Variants in RNF225 observed in about 807,000 individuals in gnomAD.
RNF225 encodes ring finger protein 225.
For missense variants in RNF225, 510 were observed against 509.8 expected, an observed-to-expected ratio of 1.00 and a Z score of 0.00; for synonymous variants, 295 against 260.4, an observed-to-expected ratio of 1.13 and a Z score of -1.28.
rs1418194711 is a variant in RNF225, at chr19:58,396,994, G to A, written c.905G>A (p.Arg302Gln). The change falls in exon 1 of 1, where the codon CGA becomes CAA. Residue 302 changes from arginine to glutamine, a missense_variant. Transcript: ENST00000601382. ...GAGGCCGAGAGGACGCTGGACAGGC[G>A]ATCGGATGGCACGTGGGGCACAGAG... is the stretch of plus-strand genomic sequence containing the variant. ...PAEAERTLDR[R>Q]SDGTWGTEAG... The A allele has an allele frequency of 3.9e-6, 6 of 1,534,152 alleles. No individual in the cohort carries two copies. The African/African-American group carries it at 4.1e-5, about 11-fold the overall frequency.
rs1478656472 is a variant in RNF225 at position 58,396,272 on chromosome 19, G to T, written c.183G>T (p.Pro61=). The T allele has an allele frequency of 2.6e-6, 4 of 1,536,180 alleles. No homozygotes were observed. Among genetic ancestry groups the T allele is most frequent in the Non-Finnish European group, 3.5e-6 (4 of 1,147,060 alleles). ...GSGPILPPAS[P]VECLICVSSF... is the part of the protein sequence containing the mutation. ...GCCCTATCCTGCCCCCCGCCTCCCC[G>T]GTGGAGTGCCTCATCTGCGTGTCGT... The change falls in exon 1 of 1, where the codon CCG becomes CCT. Residue 61 remains proline, a synonymous_variant. Coordinates refer to ENST00000601382, the MANE Select transcript of RNF225 (RefSeq NM_001195135.2).
rs2052394955 is a variant in RNF225, at chr19:58,395,974, T to A, written c.-116T>A. On this transcript the variant is annotated 5_prime_UTR_variant, in exon 1 of 1. Coordinates refer to ENST00000601382, the MANE Select transcript of RNF225 (RefSeq NM_001195135.2). ...GGATGGGGTGCTCTGTACTGGGGGA[T>A]CCTCTCTAAAGTACAGTCCCCAGTC... is the stretch of plus-strand genomic sequence containing the variant. The A allele has an allele frequency of 1.9e-6, 2 of 1,059,864 alleles. No individual in the cohort carries two copies. Among genetic ancestry groups the A allele is most frequent in the Middle Eastern group, 3.1e-4 (1 of 3,180 alleles). 65.7% of individuals were successfully genotyped at this position (1,059,864 alleles called of 1,614,324 possible). A position where few individuals can be genotyped will look rare whatever the true frequency, so the allele number is the denominator to read the frequency against.
rs1199308807 is a variant in RNF225, at chr19:58,396,077, C to A, written c.-13C>A. The A allele has an allele frequency of 2.0e-6, 3 of 1,504,458 alleles. No homozygotes were observed. The highest frequency in any genetic ancestry group is 2.8e-5 in the African/African-American group (2 of 71,862). The allele number at this position is 1,504,458 out of a possible 1,614,324, so 93.2% of individuals were successfully genotyped here. A position where few individuals can be genotyped will look rare whatever the true frequency, so the allele number is the denominator to read the frequency against. On this transcript the variant is annotated 5_prime_UTR_variant, in exon 1 of 1. Coordinates refer to ENST00000601382, the MANE Select transcript of RNF225 (RefSeq NM_001195135.2). ...TTCCCTGCCTGACCTCCTCTCCTCC[C>A]AGGTCCATCCGGATGCCCTGCCCTC... is the stretch of plus-strand genomic sequence containing the variant.
rs2052394926 is a variant in RNF225 at position 58,395,972 on chromosome 19, G to T, written c.-118G>T. ...CGGGATGGGGTGCTCTGTACTGGGG[G>T]ATCCTCTCTAAAGTACAGTCCCCAG... On this transcript the variant is annotated 5_prime_UTR_variant, in exon 1 of 1. Transcript: ENST00000601382. 9.6e-7 allele frequency: 1 copy of T among 1,045,732 alleles called. No individual in the cohort carries two copies. Among genetic ancestry groups the T allele is most frequent in the Non-Finnish European group, 1.3e-6 (1 of 746,352 alleles). 64.8% of individuals were successfully genotyped at this position (1,045,732 alleles called of 1,614,324 possible).
chr19:58,396,441 G>A lies in RNF225; in HGVS notation c.352G>A (p.Ala118Thr), dbSNP rs956656187. 9 of 1,425,778 alleles carry A rather than the reference G, an allele frequency of 6.3e-6. No homozygotes were observed. Among genetic ancestry groups the A allele is most frequent in the Middle Eastern group, 4.6e-4 (2 of 4,380 alleles). 88.3% of individuals were successfully genotyped at this position (1,425,778 alleles called of 1,614,324 possible). A position where few individuals can be genotyped will look rare whatever the true frequency, so the allele number is the denominator to read the frequency against. ...GGTGTGCCGCGCGCCCACGCGCCTG[G>A]CCCCCCGCCGCGGACTCCCCGCGTT... ...CPVCRAPTRL[A>T]PRRGLPALPT... The change falls in exon 1 of 1, where the codon GCC becomes ACC. Residue 118 changes from alanine to threonine, a missense_variant. Transcript: ENST00000601382.
At position 58,395,737 on chromosome 19, in the gene RNF225, A is replaced by G. The variant is rs1599936365; in HGVS notation, c.-353A>G. Among the ~76,000 whole-genome samples, 1 of 148,390 alleles carries G rather than the reference A, an allele frequency of 6.7e-6. No homozygotes were observed. Among genetic ancestry groups the G allele is most frequent in the South Asian group, 2.1e-4 (1 of 4,826 alleles). ...GCCCACAGGCTGGCTGCGGTCTGTC[A>G]TTACTCTGTGGGGGGTGCCTATCTC... On this transcript the variant is annotated 5_prime_UTR_variant, in exon 1 of 1. Coordinates refer to ENST00000601382, the MANE Select transcript of RNF225 (RefSeq NM_001195135.2).
rs1343303997 is a variant in RNF225 at position 58,396,117 on chromosome 19, C to T, written c.28C>T (p.Arg10Cys). Residue 10 changes from arginine to cysteine, a missense_variant, in exon 1 of 1, where the codon CGC becomes TGC. By Grantham distance (180) the Arg-to-Cys change is radical. Transcript: ENST00000601382. ...GCCCTGCCCTCGGCCGTTCTGGCTC[C>T]GCCATTCCCGGGCCCCCCAGGGCTC... is the stretch of plus-strand genomic sequence containing the variant. The part of the protein sequence containing the change: MPCPRPFWL[R>C]HSRAPQGSGP... The T allele has an allele frequency of 9.8e-6, 15 of 1,532,214 alleles. No individual in the cohort carries two copies. The Admixed American group carries it at 2.2e-4, about 22-fold the overall frequency. The allele number at this position is 1,532,214 out of a possible 1,614,324, so 94.9% of individuals were successfully genotyped here.
In RNF225 at chr19:58,396,080, G is replaced by T; in HGVS notation, c.-10G>T. ...CCTGCCTGACCTCCTCTCCTCCCAG[G>T]TCCATCCGGATGCCCTGCCCTCGGC... On this transcript the variant is annotated 5_prime_UTR_variant, in exon 1 of 1. Coordinates refer to ENST00000601382, the MANE Select transcript of RNF225 (RefSeq NM_001195135.2). 2 of 1,509,460 alleles carry T rather than the reference G, an allele frequency of 1.3e-6. No homozygotes were observed. The highest frequency in any genetic ancestry group is 1.8e-6 in the Non-Finnish European group (2 of 1,136,068). The allele number at this position is 1,509,460 out of a possible 1,614,324, so 93.5% of individuals were successfully genotyped here.
rs1226144620 is a variant in RNF225, at chr19:58,396,671, G to A, written c.582G>A (p.Pro194=). Residue 194 remains proline (P), a synonymous_variant, in exon 1 of 1, where the codon CCG becomes CCA. Coordinates refer to ENST00000601382, the MANE Select transcript of RNF225 (RefSeq NM_001195135.2). The stretch of plus-strand genomic sequence containing the variant: ...CGCGCCGCTTGTCGCTGGCCAGCCC[G>A]GCCTGGGTCTTCAACGCTGCCGTGG... ...PLSRRLSLAS[P]AWVFNAAVAL... 1.4e-6 allele frequency: 2 copies of A among 1,477,338 alleles called. No individual in the cohort carries two copies. The highest frequency in any genetic ancestry group is 2.9e-5 in the East Asian group (1 of 33,950). The allele number at this position is 1,477,338 out of a possible 1,614,324, so 91.5% of individuals were successfully genotyped here.
rs1054283692 is a variant in RNF225 at position 58,396,935 on chromosome 19, G to T, written c.846G>T (p.Ala282=). 5 of 1,534,022 alleles carry T rather than the reference G, an allele frequency of 3.3e-6. No homozygotes were observed. Among genetic ancestry groups the T allele is most frequent in the African/African-American group, 1.4e-5 (1 of 72,940 alleles). ...CCCTGCCAGGAACTGCAGAAGATGC[G>T]CTGGAGCCCGAGGCGGGCCCCGAGG... ...DTALPGTAED[A]LEPEAGPEDP... Residue 282 remains alanine (A), a synonymous_variant, in exon 1 of 1, where the codon GCG becomes GCT. Coordinates refer to ENST00000601382, the MANE Select transcript of RNF225 (RefSeq NM_001195135.2).
rs750512932 is a variant in RNF225, at chr19:58,396,192, G to T, written c.103G>T (p.Gly35Trp). ...SLSAPRSPSR[G>W]EDQEEEEEEE... ...CTCTGCGCCCCGCTCCCCAAGCAGAGGGGAAGACCAGGAGGAGGAGGAGGA... is the reference window on the plus strand; with the variant it reads ...CTCTGCGCCCCGCTCCCCAAGCAGATGGGAAGACCAGGAGGAGGAGGAGGA... Residue 35 changes from glycine (G) to tryptophan (W), a missense_variant, in exon 1 of 1, where the codon GGG (glycine) becomes TGG (tryptophan). By Grantham distance (184) the Gly-to-Trp change is radical. Coordinates refer to ENST00000601382, the MANE Select transcript of RNF225 (RefSeq NM_001195135.2). 1.3e-6 allele frequency: 2 copies of T among 1,543,054 alleles called. 1 individual carries two copies. Among genetic ancestry groups the T allele is most frequent in the South Asian group, 2.4e-5 (2 of 84,600 alleles).
At position 58,396,173 on chromosome 19, in the gene RNF225, G is replaced by T; in HGVS notation, c.84G>T (p.Ala28=). 1.3e-6 allele frequency: 2 copies of T among 1,537,172 alleles called. No homozygotes were observed. Among genetic ancestry groups the T allele is most frequent in the Non-Finnish European group, 1.7e-6 (2 of 1,148,146 alleles). The change falls in exon 1 of 1, where the codon GCG becomes GCT. Residue 28 remains alanine (A), a synonymous_variant. Transcript: ENST00000601382. The part of the protein sequence containing the change: ...SGPSSPGSLS[A]PRSPSRGEDQ... Reference sequence around the variant, plus strand: ...CCAGCTCCCCAGGCTCGCTCTCTGCGCCCCGCTCCCCAAGCAGAGGGGAAG... The same window carrying T: ...CCAGCTCCCCAGGCTCGCTCTCTGCTCCCCGCTCCCCAAGCAGAGGGGAAG...
rs1428134878 is a variant in RNF225, at chr19:58,396,717, G to A, written c.628G>A (p.Ala210Thr). 3.3e-6 allele frequency: 5 copies of A among 1,501,146 alleles called. No individual in the cohort carries two copies. Among genetic ancestry groups the A allele is most frequent in the South Asian group, 1.2e-5 (1 of 80,908 alleles). The allele number at this position is 1,501,146 out of a possible 1,614,324, so 93.0% of individuals were successfully genotyped here. Residue 210 changes from alanine to threonine, a missense_variant, in exon 1 of 1, where the codon GCG (alanine) becomes ACG (threonine). Transcript: ENST00000601382. Reference sequence around the variant, plus strand: ...CGTGGCGCTGGCGGTGCTGGTGGCCGCGGGCCTCGTGGTCTCGGGCGTCTA... The same window carrying A: ...CGTGGCGCTGGCGGTGCTGGTGGCCACGGGCCTCGTGGTCTCGGGCGTCTA... ...AAVALAVLVA[A>T]GLVVSGVYIF...
rs1350358820 is a variant in RNF225, at chr19:58,396,614, C to T, written c.525C>T (p.Pro175=). 8.1e-7 allele frequency: 1 copy of T among 1,227,582 alleles called. No individual in the cohort carries two copies. The highest frequency in any genetic ancestry group is 1.0e-6 in the Non-Finnish European group (1 of 985,324). The allele number at this position is 1,227,582 out of a possible 1,614,324, so 76.0% of individuals were successfully genotyped here. ...PGPRKARAPP[P]PPPLRLGRPL... is the part of the protein sequence containing the mutation. ...CGCGCAAGGCCCGCGCCCCGCCGCC[C>T]CCGCCGCCTCTGCGCCTGGGCCGCC... Residue 175 remains proline, a synonymous_variant, in exon 1 of 1, where the codon CCC becomes CCT. Transcript: ENST00000601382.
In RNF225 at chr19:58,395,965, A is replaced by G. The variant is rs1447915136; in HGVS notation, c.-125A>G. ...CCCTTCTCGGGATGGGGTGCTCTGT[A>G]CTGGGGGATCCTCTCTAAAGTACAG... On this transcript the variant is annotated 5_prime_UTR_variant, in exon 1 of 1. Transcript: ENST00000601382. 7.0e-6 allele frequency: 7 copies of G among 1,000,122 alleles called. No individual in the cohort carries two copies. The East Asian group carries it at 1.1e-4, about 15-fold the overall frequency. The allele number at this position is 1,000,122 out of a possible 1,614,324, so 62.0% of individuals were successfully genotyped here.
In RNF225 at chr19:58,396,858, C is replaced by A; in HGVS notation, c.769C>A (p.Pro257Thr). 6.6e-7 allele frequency: 1 copy of A among 1,523,074 alleles called. No individual in the cohort carries two copies. The highest frequency in any genetic ancestry group is 8.8e-7 in the Non-Finnish European group (1 of 1,142,200). 94.3% of individuals were successfully genotyped at this position (1,523,074 alleles called of 1,614,324 possible). ...WFPPRPPPGSPWAPAWTPRPT... is the reference protein window; with the variant it reads ...WFPPRPPPGSTWAPAWTPRPT... The stretch of plus-strand genomic sequence containing the variant: ...TCCGCCGAGGCCCCCGCCGGGGTCG[C>A]CCTGGGCCCCCGCCTGGACGCCGCG... The change falls in exon 1 of 1, where the codon CCC becomes ACC. Residue 257 changes from proline to threonine, a missense_variant. Coordinates refer to ENST00000601382, the MANE Select transcript of RNF225 (RefSeq NM_001195135.2).
rs531439183 is a variant in RNF225 at position 58,396,143 on chromosome 19, G to C, written c.54G>C (p.Ser18=). ...GCCATTCCCGGGCCCCCCAGGGCTCGGGTCCCAGCTCCCCAGGCTCGCTCT... is the reference window on the plus strand; with the variant it reads ...GCCATTCCCGGGCCCCCCAGGGCTCCGGTCCCAGCTCCCCAGGCTCGCTCT... ...WLRHSRAPQG[S]GPSSPGSLSA... is the part of the protein sequence containing the mutation. Residue 18 remains serine (S), a synonymous_variant, in exon 1 of 1, where the codon TCG becomes TCC. Coordinates refer to ENST00000601382, the MANE Select transcript of RNF225 (RefSeq NM_001195135.2). 6.5e-7 allele frequency: 1 copy of C among 1,533,146 alleles called. No homozygotes were observed. The highest frequency in any genetic ancestry group is 2.5e-5 in the East Asian group (1 of 40,584). 95.0% of individuals were successfully genotyped at this position (1,533,146 alleles called of 1,614,324 possible).
chr19:58,396,703 C>G lies in RNF225; in HGVS notation c.614C>G (p.Ala205Gly). The change falls in exon 1 of 1, where the codon GCG becomes GGG. Residue 205 changes from alanine to glycine, a missense_variant. Ala to Gly is a moderately conservative substitution (Grantham distance 60, BLOSUM62 0). Transcript: ENST00000601382. ...AWVFNAAVAL[A>G]VLVAAGLVVS... Reference sequence around the variant, plus strand: ...GTCTTCAACGCTGCCGTGGCGCTGGCGGTGCTGGTGGCCGCGGGCCTCGTG... The same window carrying G: ...GTCTTCAACGCTGCCGTGGCGCTGGGGGTGCTGGTGGCCGCGGGCCTCGTG... The G allele has an allele frequency of 1.3e-6, 2 of 1,495,982 alleles. No homozygotes were observed. Among genetic ancestry groups the G allele is most frequent in the African/African-American group, 1.5e-5 (1 of 68,430 alleles). 92.7% of individuals were successfully genotyped at this position (1,495,982 alleles called of 1,614,324 possible).
In RNF225 at chr19:58,396,864, G is replaced by T. The variant is rs1295469001; in HGVS notation, c.775G>T (p.Ala259Ser). 1.3e-6 allele frequency: 2 copies of T among 1,524,772 alleles called. No homozygotes were observed. Among genetic ancestry groups the T allele is most frequent in the Admixed American group, 4.0e-5 (2 of 50,362 alleles). 94.5% of individuals were successfully genotyped at this position (1,524,772 alleles called of 1,614,324 possible). A position where few individuals can be genotyped will look rare whatever the true frequency, so the allele number is the denominator to read the frequency against. ...GAGGCCCCCGCCGGGGTCGCCCTGG[G>T]CCCCCGCCTGGACGCCGCGCCCCAC... ...PPRPPPGSPW[A>S]PAWTPRPTGP... is the part of the protein sequence containing the mutation. The change falls in exon 1 of 1, where the codon GCC (alanine) becomes TCC (serine). Residue 259 changes from alanine to serine, a missense_variant. By Grantham distance (99) the Ala-to-Ser change is moderately conservative (BLOSUM62 1). Transcript: ENST00000601382.
Sources: allele counts gnomAD v4.1 joint callset (sites outside exome capture counted in the v4.1 genomes callset), GRCh38; gene constraint gnomAD v4.1.1; transcripts MANE v1.5; gene names NCBI Gene and HGNC (gene_info 2026-07-23, HGNC 2026-07-21).